The following SYT10 variants were observed in gnomAD, a reference collection of about 807,000 sequenced individuals.
The protein encoded by SYT10 is synaptotagmin-10.
A neutral mutation model predicts 51.1 loss-of-function variants in SYT10; 31 were observed. The observed-to-expected ratio is 0.61, with a 90% CI of 0.46 to 0.82. The LOEUF (loss-of-function observed/expected upper bound fraction) is 0.82. Among genes scored for constraint, SYT10 ranks in the 40% least tolerant of loss-of-function variants. The pLI, the probability that SYT10 is intolerant of heterozygous loss-of-function variation, is 0.00. For missense variants in SYT10, 603 were observed against 634.0 expected (o/e 0.95, Z 0.53); for synonymous variants, 233 against 225.9 (o/e 1.03, Z -0.28).
intron 2 of SYT10, among the ~76,000 whole-genome samples, chr12:33,421,815 T>C (rs1373272650): frequency 6.6e-6 from 1 of 152,136 alleles, no homozygotes; most frequent in Admixed American, 6.6e-5. Context: ...GAAAGTGGAC[T>C]CTCAGATGCA....
At position 33,375,542 on chromosome 12, in the gene SYT10, C is replaced by A. The variant is rs1866055314; in HGVS notation, c.*1288G>T. 1 of 151,780 alleles carries A rather than the reference C, an allele frequency of 6.6e-6. No individual in the cohort carries two copies. The highest frequency in any genetic ancestry group is 2.4e-5 in the African/African-American group (1 of 41,348). The allele number at this position is 151,780 out of a possible 1,614,324, so 9.4% of individuals were successfully genotyped here. A position where few individuals can be genotyped will look rare whatever the true frequency, so the allele number is the denominator to read the frequency against. ...CTTCCAACAGGGCCTGAAAATGGGACAAAATATGTTGACCTGACTTAAAAG... is the reference window on the plus strand; with the variant it reads ...CTTCCAACAGGGCCTGAAAATGGGAAAAAATATGTTGACCTGACTTAAAAG... On this transcript the variant is annotated 3_prime_UTR_variant, in exon 7 of 7. Transcript: ENST00000228567.
chr12:33,374,629 C>T lies in SYT10; in HGVS notation c.*2201G>A, dbSNP rs1268443850. On this transcript the variant is annotated 3_prime_UTR_variant, in exon 7 of 7. Coordinates refer to ENST00000228567, the MANE Select transcript of SYT10 (RefSeq NM_198992.4). ...AGATGAGTTGTGGTGAATTTCCTCT[C>T]GCTGATCTCTTTCTCAGGATTAACA... 2.0e-5 allele frequency: 3 copies of T among 151,904 alleles called. No homozygotes were observed. The highest frequency in any genetic ancestry group is 7.2e-5 in the African/African-American group (3 of 41,408). 9.4% of individuals were successfully genotyped at this position (151,904 alleles called of 1,614,324 possible).
Position 33,407,483 on chromosome 12 carries a change from A to T in SYT10, c.510-127T>A, listed in dbSNP as rs1452412131. The T allele has an allele frequency of 4.6e-6, 4 of 862,022 alleles. No homozygotes were observed. The Admixed American group carries it at 9.0e-5, about 19-fold the overall frequency. 53.4% of individuals were successfully genotyped at this position (862,022 alleles called of 1,614,324 possible). ...AAGATATCTATATCTACATAGATAGACACATACATATAATCAAAGAGGTAC... is the reference window on the plus strand; with the variant it reads ...AAGATATCTATATCTACATAGATAGTCACATACATATAATCAAAGAGGTAC... On this transcript the variant is annotated intron_variant, in intron 2 of 6. Transcript: ENST00000228567.
chr12:33,379,011 T>C (rs1316645437), intron 6 of SYT10, among the ~76,000 whole-genome samples: 1 of 152,308 alleles, frequency 6.6e-6, no homozygotes, highest in East Asian at 1.9e-4. Context: ...CTATTTCCCT[T>C]AACACGTCCT....
In SYT10 at chr12:33,407,000, C is replaced by G; in HGVS notation, c.866G>C (p.Arg289Thr). 1 of 1,614,132 alleles carries G rather than the reference C, an allele frequency of 6.2e-7. No homozygotes were observed. Among genetic ancestry groups the G allele is most frequent in the Non-Finnish European group, 8.5e-7 (1 of 1,180,032 alleles). ...ATCAAATAGAGGATTTAAAGTCTTT[C>G]TGTGCACGCGGGTCTGAAATTTCTT... ...RKKKFQTRVH[R>T]KTLNPLFDET... Residue 289 changes from arginine (R) to threonine (T), a missense_variant, in exon 3 of 7, where the codon AGA (arginine) becomes ACA (threonine). Coordinates refer to ENST00000228567, the MANE Select transcript of SYT10 (RefSeq NM_198992.4).
intron 5 of SYT10, 35 bp downstream of exon 5, chr12:33,382,314 T>A (rs760724791): frequency 6.7e-7 from 1 of 1,499,860 alleles, no homozygotes; most frequent in Admixed American, 2.2e-5. Context: ...TGACTAGACA[T>A]GGCTGCTCTT....
intron 1 of SYT10, among the ~76,000 whole-genome samples, chr12:33,431,796 A>T (rs546826532): frequency 6.6e-6 from 1 of 152,180 alleles, no homozygotes; most frequent in Non-Finnish European, 1.5e-5. Flanking sequence ...CTTCAACCTT[A>T]TAAGTCAAAT....
At chr12:33,400,029 C>T (rs1866288948) in intron 3 of SYT10, among the ~76,000 whole-genome samples, 1 of 152,160 alleles carries the variant, frequency 6.6e-6, no homozygotes, top group Admixed American at 6.5e-5. Flanking sequence ...CTGACTGTTA[C>T]ACCCCAGGAG....
intron 1 of SYT10, among the ~76,000 whole-genome samples, chr12:33,435,928 CTAAA>C (rs1321324328): frequency 1.3e-5 from 2 of 152,066 alleles, no homozygotes; most frequent in Admixed American, 6.5e-5. Flanking sequence ...AAGAATTTGT[CTAAA>C]TTTTTATTTT....
At chr12:33,438,406 C>A (rs537578243) in intron 1 of SYT10, among the ~76,000 whole-genome samples, 2 of 152,346 alleles carry the variant, frequency 1.3e-5, no homozygotes, top group South Asian at 4.1e-4. Flanking sequence ...AACCACGCAG[C>A]CCGCAACTCG....
At chr12:33,411,210 C>T (rs969565706) in intron 2 of SYT10, among the ~76,000 whole-genome samples, 5 of 152,098 alleles carry the variant, frequency 3.3e-5, no homozygotes, top group African/African-American at 1.2e-4. Context: ...ATCAATTATT[C>T]TACTAAATAA....
At chr12:33,385,117 T>C (rs771581761) in intron 4 of SYT10, 54 bp downstream of exon 4, 58 of 1,593,272 alleles carry the variant, frequency 3.6e-5, no homozygotes, top group Non-Finnish European at 5.0e-5. Context: ...TTTAGATACA[T>C]GAAATATTTC....
rs574365436 is a variant in SYT10 at position 33,396,115 on chromosome 12, C to T, written c.1077+10674G>A. On this transcript the variant is annotated intron_variant, in intron 3 of 6. Transcript: ENST00000228567. ...ATGATTATATGATCTAGACATGAGA[C>T]TCTCAAAATCCTGCCCAGAATATGC... is the stretch of plus-strand genomic sequence containing the variant. Among the ~76,000 whole-genome samples the T allele has an allele frequency of 2.0e-5, 3 of 152,256 alleles. No individual in the cohort carries two copies. In the East Asian group the frequency reaches 5.8e-4, roughly 29 times the overall value.
In SYT10 at chr12:33,425,624, G is replaced by A. The variant is rs148362470; in HGVS notation, c.509+514C>T. ...TACATGAGCTCAAACACAAAATGAA[G>A]TTTCATGTTTTTGGTATATGTGTTA... On this transcript the variant is annotated intron_variant, in intron 2 of 6. Coordinates refer to ENST00000228567, the MANE Select transcript of SYT10 (RefSeq NM_198992.4). Among the ~76,000 whole-genome samples, 28 of 152,170 alleles carry A rather than the reference G, an allele frequency of 1.8e-4. 1 individual carries two copies. In the South Asian group the frequency reaches 4.3e-3, roughly 24 times the overall value.
intron 1 of SYT10, among the ~76,000 whole-genome samples, chr12:33,427,964 C>T (rs1866566339): frequency 6.6e-6 from 1 of 152,074 alleles, no homozygotes; most frequent in South Asian, 2.1e-4. Flanking sequence ...TGAAAATATG[C>T]ATTTCAGAAC....
At position 33,427,265 on chromosome 12, in the gene SYT10, C is replaced by G. The variant is rs546756758; in HGVS notation, c.152-770G>C. On this transcript the variant is annotated intron_variant, in intron 1 of 6. Coordinates refer to ENST00000228567, the MANE Select transcript of SYT10 (RefSeq NM_198992.4). ...AAAGTAGGCCAAGGGTGCTCTTTCGCCCTTCTACCATGTGAGGGCATAGCA... is the reference window on the plus strand; with the variant it reads ...AAAGTAGGCCAAGGGTGCTCTTTCGGCCTTCTACCATGTGAGGGCATAGCA... Among the ~76,000 whole-genome samples, 41 of 152,082 alleles carry G rather than the reference C, an allele frequency of 2.7e-4. No individual in the cohort carries two copies. In the South Asian group the frequency reaches 2.7e-3, roughly 10 times the overall value.
At position 33,376,893 on chromosome 12, in the gene SYT10, G is replaced by T. The variant is rs566847178; in HGVS notation, c.1509C>A (p.Gly503=). The change falls in exon 7 of 7, where the codon GGC becomes GGA. Residue 503 remains glycine (G), a synonymous_variant. Coordinates refer to ENST00000228567, the MANE Select transcript of SYT10 (RefSeq NM_198992.4). ...THWHPLLELP[G]RATSFDSQGS... ...CTTGACTATCAAAACTGGTCGCCCGGCCAGGTAACTGAAAGACAAAAATTT... is the reference window on the plus strand; with the variant it reads ...CTTGACTATCAAAACTGGTCGCCCGTCCAGGTAACTGAAAGACAAAAATTT... The T allele has an allele frequency of 6.2e-7, 1 of 1,614,004 alleles. No homozygotes were observed. Among genetic ancestry groups the T allele is most frequent in the East Asian group, 2.2e-5 (1 of 44,858 alleles).
Position 33,426,384 on chromosome 12 carries a change from G to A in SYT10, c.263C>T (p.Pro88Leu), listed in dbSNP as rs773702624. ...AAGCGTAGTGATGTTGGAAGTCACAGGTTTGCTTTTCCAGCATGGCCAACA... is the reference window on the plus strand; with the variant it reads ...AAGCGTAGTGATGTTGGAAGTCACAAGTTTGCTTTTCCAGCATGGCCAACA... ...KLCWPCWKSKPVTSNITTLPQ... is the reference protein window; with the variant it reads ...KLCWPCWKSKLVTSNITTLPQ... The change falls in exon 2 of 7, where the codon CCT becomes CTT. Residue 88 changes from proline to leucine, a missense_variant. Physicochemically the swap from Pro to Leu is moderately conservative, Grantham distance 98. Coordinates refer to ENST00000228567, the MANE Select transcript of SYT10 (RefSeq NM_198992.4). The A allele has an allele frequency of 2.5e-6, 4 of 1,614,108 alleles. No homozygotes were observed. The highest frequency in any genetic ancestry group is 3.4e-6 in the Non-Finnish European group (4 of 1,180,000).
intron 6 of SYT10, among the ~76,000 whole-genome samples, chr12:33,378,052 T>G (rs1866079670): frequency 6.6e-6 from 1 of 152,164 alleles, no homozygotes; most frequent in African/African-American, 2.4e-5. Flanking sequence ...TATATACTTA[T>G]TTTTCCTATA....
Sources: allele counts gnomAD v4.1 joint callset (sites outside exome capture counted in the v4.1 genomes callset), GRCh38; gene constraint gnomAD v4.1.1; transcripts MANE v1.5; gene names NCBI Gene and HGNC (gene_info 2026-07-23, HGNC 2026-07-21).